IMMP2L: variants seen among roughly 807,000 people sequenced by gnomAD.
The protein encoded by IMMP2L is mitochondrial inner membrane protease subunit 2.
Under a neutral mutation model 19.3 loss-of-function variants are expected in IMMP2L, and 18 were observed. The ratio of observed to expected loss-of-function variants is 0.93; its 90% CI spans 0.64 to 1.38. The LOEUF (loss-of-function observed/expected upper bound fraction) is 1.38. Ranked by LOEUF, IMMP2L falls within the 40% of genes most tolerant of loss-of-function variation. The probability of loss-of-function intolerance (pLI) is 0.00; values close to 1 mark genes in which losing one functional copy is unlikely to be tolerated. For synonymous variants in IMMP2L, 76 were observed against 73.0 expected, an observed-to-expected ratio of 1.04 and a Z score of -0.21; for missense variants, 233 against 218.2, an observed-to-expected ratio of 1.07 and a Z score of -0.43.
Position 110,698,029 on chromosome 7 carries a change from T to C in IMMP2L, c.409-34308A>G, listed in dbSNP as rs78354219. On this transcript the variant is annotated intron_variant, in intron 5 of 5. Coordinates refer to ENST00000405709, the MANE Select transcript of IMMP2L (RefSeq NM_032549.4). ...CTAATATCTGTCAAAACATTCATTA[T>C]AAAAAATTGTCTTTTGACATTTTAA... 9.3e-3 allele frequency among the ~76,000 whole-genome samples: 1,420 copies of C among 152,310 alleles called. 25 individuals are homozygous for C. Among genetic ancestry groups the C allele is most frequent in the African/African-American group, 0.032 (1,311 of 41,560 alleles).
At chr7:111,189,000 G>A (rs1312129125) in intron 3 of IMMP2L, among the ~76,000 whole-genome samples, 1 of 152,078 alleles carries the variant, frequency 6.6e-6, no homozygotes, top group African/African-American at 2.4e-5. Flanking sequence ...CATTCCAATA[G>A]CATCAGCCAG....
rs189416345 is a variant in IMMP2L, at chr7:110,716,114, G to C, written c.409-52393C>G. ...TTTTTTGTTTTCCATTTGCATGACA[G>C]ATCTTTTCCCAACCCCCAAAATAAA... is the stretch of plus-strand genomic sequence containing the variant. On this transcript the variant is annotated intron_variant, in intron 5 of 5. Transcript: ENST00000405709. Among the ~76,000 whole-genome samples, 9 of 151,664 alleles carry C rather than the reference G, an allele frequency of 5.9e-5. No individual in the cohort carries two copies. In the East Asian group the frequency reaches 1.8e-3, roughly 30 times the overall value.
intron 2 of IMMP2L, among the ~76,000 whole-genome samples, chr7:111,503,670 A>G (rs980468592): frequency 5.3e-5 from 8 of 152,042 alleles, no homozygotes; most frequent in Admixed American, 5.2e-4. Context: ...TTCAACATAC[A>G]CAAATCAATA....
intron 3 of IMMP2L, among the ~76,000 whole-genome samples, chr7:111,149,480 G>T (rs190994033): frequency 5.9e-5 from 9 of 152,264 alleles, no homozygotes; most frequent in Non-Finnish European, 1.3e-4. Context: ...GCCTACTGTT[G>T]ACTGGAAGTC....
At chr7:110,864,205 T>A (rs2129543121) in intron 5 of IMMP2L, among the ~76,000 whole-genome samples, 1 of 152,242 alleles carries the variant, frequency 6.6e-6, no homozygotes, top group Non-Finnish European at 1.5e-5. Context: ...GTTCAGTGAT[T>A]ACTTTTTAAA....
At chr7:111,410,977 A>G (rs960987921) in intron 3 of IMMP2L, among the ~76,000 whole-genome samples, 1 of 151,348 alleles carries the variant, frequency 6.6e-6, no homozygotes, top group African/African-American at 2.4e-5. Flanking sequence ...TTTAAAGAAA[A>G]CATGCCCCCA....
At chr7:110,990,792 T>C (rs557550758) in intron 3 of IMMP2L, among the ~76,000 whole-genome samples, 38 of 152,286 alleles carry the variant, frequency 2.5e-4, no homozygotes, top group African/African-American at 8.7e-4. Flanking sequence ...TAAAAATCTA[T>C]CTTGGTTTTC....
chr7:111,487,162 C>T, intron 3 of IMMP2L, 76 bp downstream of exon 3: 2 of 661,466 alleles, frequency 3.0e-6, no homozygotes, highest in Non-Finnish European at 5.4e-6. Flanking sequence ...ATGATATTAA[C>T]AGTGGATTAC....
chr7:110,714,849 C>A (rs1441365550), intron 5 of IMMP2L, among the ~76,000 whole-genome samples: 2 of 152,174 alleles, frequency 1.3e-5, no homozygotes, highest in Non-Finnish European at 2.9e-5. Context: ...CCTGCCTCAG[C>A]CTCCCAAAGT....
intron 5 of IMMP2L, among the ~76,000 whole-genome samples, chr7:110,822,521 A>G (rs1347079443): frequency 6.6e-6 from 1 of 152,120 alleles, no homozygotes; most frequent in African/African-American, 2.4e-5. Flanking sequence ...TTGTCCACTA[A>G]GAAATTTTTC....
At chr7:111,500,690 G>A (rs187004146) in intron 2 of IMMP2L, among the ~76,000 whole-genome samples, 8 of 152,234 alleles carry the variant, frequency 5.3e-5, no homozygotes, top group East Asian at 1.9e-4. Context: ...TGCAGCCACC[G>A]CTGCTGATAC....
At chr7:110,896,495 A>G (rs963641372) in intron 4 of IMMP2L, among the ~76,000 whole-genome samples, 1 of 27,474 alleles carries the variant, frequency 3.6e-5, no homozygotes, top group Non-Finnish European at 5.5e-5. Context: ...TCCATTTTCA[A>G]TTGGATTGTT....
intron 4 of IMMP2L, among the ~76,000 whole-genome samples, chr7:110,902,159 T>C (rs1811941307): frequency 6.6e-6 from 1 of 151,880 alleles, no homozygotes; most frequent in South Asian, 2.1e-4. Context: ...AAATTTTAAG[T>C]ATGACAAAGC....
At chr7:111,537,900 C>T (rs931105139) in intron 1 of IMMP2L, among the ~76,000 whole-genome samples, 2 of 151,990 alleles carry the variant, frequency 1.3e-5, no homozygotes, top group African/African-American at 4.8e-5. Context: ...GAATATGCCA[C>T]ACTTTTACTT....
At chr7:110,944,011 T>A (rs2129553318) in intron 4 of IMMP2L, among the ~76,000 whole-genome samples, 1 of 152,092 alleles carries the variant, frequency 6.6e-6, no homozygotes, top group South Asian at 2.1e-4. Context: ...TAAGTTGAAA[T>A]ATTTCCAAAA....
chr7:111,188,165 C>T (rs991500634), intron 3 of IMMP2L, among the ~76,000 whole-genome samples: 1 of 152,168 alleles, frequency 6.6e-6, no homozygotes, highest in East Asian at 1.9e-4. Context: ...CACAGTGTGG[C>T]TTAAGTTCTC....
chr7:111,396,448 A>C (rs1832873166), intron 3 of IMMP2L, among the ~76,000 whole-genome samples: 1 of 152,122 alleles, frequency 6.6e-6, no homozygotes, highest in South Asian at 2.1e-4. Flanking sequence ...GCAGTTGAAC[A>C]ATGAGAACAC....
chr7:111,477,081 T>C (rs149235783), intron 3 of IMMP2L, among the ~76,000 whole-genome samples: 1 of 152,352 alleles, frequency 6.6e-6, no homozygotes, highest in Admixed American at 6.5e-5. Flanking sequence ...CTCATATTTA[T>C]TGATGCATCC....
chr7:111,118,704 C>T (rs1290857198), intron 3 of IMMP2L, among the ~76,000 whole-genome samples: 1 of 152,030 alleles, frequency 6.6e-6, no homozygotes, highest in African/African-American at 2.4e-5. Context: ...GCAAATAGCC[C>T]ATACTAAATA....
Sources: allele counts gnomAD v4.1 joint callset (sites outside exome capture counted in the v4.1 genomes callset), GRCh38; gene constraint gnomAD v4.1.1; transcripts MANE v1.5; gene names NCBI Gene and HGNC (gene_info 2026-07-23, HGNC 2026-07-21).